AHNAK2: variants seen among roughly 807,000 people sequenced by gnomAD.
AHNAK2 encodes the protein protein AHNAK2.
AHNAK2 carries 18 observed loss-of-function variants against 30.7 expected under a neutral mutation model. The observed-to-expected ratio is 0.59, with a 90% CI of 0.41 to 0.87. AHNAK2 has a LOEUF of 0.87. Ranked by LOEUF, AHNAK2 falls within the 40% of genes least tolerant of loss-of-function variation. AHNAK2 has a pLI of 0.00. For synonymous variants in AHNAK2, 3,590 were observed against 3,073.8 expected, an observed-to-expected ratio of 1.17 and a Z score of -5.56; for missense variants, 8,604 against 7,373.0, an observed-to-expected ratio of 1.17 and a Z score of -6.11.
intron 1 of AHNAK2, among the ~76,000 whole-genome samples, chr14:104,959,004 A>G (rs1406381686): frequency 6.6e-6 from 1 of 152,226 alleles, no homozygotes; most frequent in Non-Finnish European, 1.5e-5. Flanking sequence ...GTTGTCAACG[A>G]AGAATTTGAT....
rs767014033 is a variant in AHNAK2 at position 104,939,863 on chromosome 14, G to T, written c.15588C>A (p.Arg5196=). 6.2e-7 allele frequency: 1 copy of T among 1,613,794 alleles called. No individual in the cohort carries two copies. Among genetic ancestry groups the T allele is most frequent in the Non-Finnish European group, 8.5e-7 (1 of 1,179,900 alleles). The stretch of plus-strand genomic sequence containing the variant: ...TGAAAGAGCGCCTAAGGCTGGGCAT[G>T]CGGAACTTGGGCATTTTAAACCAGC... The part of the protein sequence containing the change: ...QESWFKMPKF[R]MPSLRRSFRD... The change falls in exon 7 of 7, where the codon CGC becomes CGA. Residue 5196 remains arginine, a synonymous_variant. Coordinates refer to ENST00000333244, the MANE Select transcript of AHNAK2 (RefSeq NM_138420.4).
Position 104,948,166 on chromosome 14 carries a change from C to G in AHNAK2, c.7285G>C (p.Asp2429His), listed in dbSNP as rs1248845948. Reference protein sequence around the residue: ...PQIDVKGPKLDLKGPKTDVMA... With the variant: ...PQIDVKGPKLHLKGPKTDVMA... ...ACGTCCGTCTTGGGGCCTTTCAGGTCCAGCTTGGGGCCCTTGACATCTATC... is the reference window on the plus strand; with the variant it reads ...ACGTCCGTCTTGGGGCCTTTCAGGTGCAGCTTGGGGCCCTTGACATCTATC... The change falls in exon 7 of 7, where the codon GAC (aspartate) becomes CAC (histidine). Residue 2429 changes from aspartate to histidine, a missense_variant. Coordinates refer to ENST00000333244, the MANE Select transcript of AHNAK2 (RefSeq NM_138420.4). 1 of 1,612,682 alleles carries G rather than the reference C, an allele frequency of 6.2e-7. No individual in the cohort carries two copies. Among genetic ancestry groups the G allele is most frequent in the Admixed American group, 1.7e-5 (1 of 59,930 alleles).
Position 104,937,995 on chromosome 14 carries a change from ATG to A in AHNAK2, c.*66_*67del. On this transcript the variant is annotated 3_prime_UTR_variant, in exon 7 of 7. Coordinates refer to ENST00000333244, the MANE Select transcript of AHNAK2 (RefSeq NM_138420.4). ...TGTGCTGTGGGATGGGGTGCTCCAT[ATG>A]TGTGTGTAGCCTTTACTTTCCAACT... 6.6e-7 allele frequency: 1 copy of A among 1,517,004 alleles called. No homozygotes were observed. The highest frequency in any genetic ancestry group is 8.9e-7 in the Non-Finnish European group (1 of 1,117,752). 94.0% of individuals were successfully genotyped at this position (1,517,004 alleles called of 1,614,324 possible). A position where few individuals can be genotyped will look rare whatever the true frequency, so the allele number is the denominator to read the frequency against.
Position 104,944,274 on chromosome 14 carries a change from A to C in AHNAK2, c.11177T>G (p.Met3726Arg). ...GLKEHLPKVE[M>R]PSLKMPKVDL... ...CACTTTGGGCATCTTCAAACTGGGC[A>C]TCTCCACCTTGGGCAGGTGCTCTTT... is the stretch of plus-strand genomic sequence containing the variant. Residue 3726 changes from methionine to arginine, a missense_variant, in exon 7 of 7, where the codon ATG becomes AGG. Transcript: ENST00000333244. 1 of 1,612,388 alleles carries C rather than the reference A, an allele frequency of 6.2e-7. No individual in the cohort carries two copies. Among genetic ancestry groups the C allele is most frequent in the Non-Finnish European group, 8.5e-7 (1 of 1,179,374 alleles).
At chr14:104,959,884 C>A (rs1352900245) in intron 1 of AHNAK2, among the ~76,000 whole-genome samples, 1 of 152,078 alleles carries the variant, frequency 6.6e-6, no homozygotes, top group African/African-American at 2.4e-5. Flanking sequence ...TATTTCTTAA[C>A]TTCTTTCAAA....
intron 1 of AHNAK2, among the ~76,000 whole-genome samples, chr14:104,967,668 G>A (rs1426840126): frequency 2.6e-5 from 4 of 152,144 alleles, no homozygotes; most frequent in African/African-American, 7.2e-5. Flanking sequence ...GAGGCTCAGC[G>A]AGCGGCAGAC....
chr14:104,970,721 C>A (rs906862059), intron 1 of AHNAK2, among the ~76,000 whole-genome samples: 1 of 152,030 alleles, frequency 6.6e-6, no homozygotes, highest in African/African-American at 2.4e-5. Context: ...TGAGTGCCCA[C>A]CCCCAGCCTG....
Position 104,949,943 on chromosome 14 carries a change from A to C in AHNAK2, c.5508T>G (p.Ser1836=), listed in dbSNP as rs200758735. Residue 1836 remains serine, a synonymous_variant, in exon 7 of 7, where the codon TCT becomes TCG. Transcript: ENST00000333244. The part of the protein sequence containing the change: ...PKFKMPSFGV[S]APGKSIEASV... ...AGGCCTCGATGGACTTGCCTGGGGC[A>C]GACACCCCGAACGACGGCATCTTGA... 22,042 of 1,573,662 alleles carry C rather than the reference A, an allele frequency of 0.014. 1,943 individuals carry two copies. The highest frequency in any genetic ancestry group is 0.087 in the African/African-American group (5,866 of 67,608).
In AHNAK2 at chr14:104,938,241, C is replaced by T. The variant is rs939391532; in HGVS notation, c.17210G>A (p.Arg5737Gln). 18 of 1,613,660 alleles carry T rather than the reference C, an allele frequency of 1.1e-5. No individual in the cohort carries two copies. Among genetic ancestry groups the T allele is most frequent in the South Asian group, 2.2e-5 (2 of 91,044 alleles). Residue 5737 changes from arginine (R) to glutamine (Q), a missense_variant, in exon 7 of 7, where the codon CGA becomes CAA. Transcript: ENST00000333244. ...CTTCTCTTCAGGGGAGAAACTTTCT[C>T]GGGCATCAAAAAACGTGATTGTTTC... ...QEETITFFDA[R>Q]ESFSPEEKEE...
Position 104,953,000 on chromosome 14 carries a change from C to G in AHNAK2, c.2451G>C (p.Gly817=). ...RAKLDGARLE[G]DLSLADKEVT... ...CCTCCTTGTCGGCCAGGGACAGGTCCCCCTCCAGCCGCGCACCATCCAGCT... is the reference window on the plus strand; with the variant it reads ...CCTCCTTGTCGGCCAGGGACAGGTCGCCCTCCAGCCGCGCACCATCCAGCT... The change falls in exon 7 of 7, where the codon GGG becomes GGC. Residue 817 remains glycine (G), a synonymous_variant. Coordinates refer to ENST00000333244, the MANE Select transcript of AHNAK2 (RefSeq NM_138420.4). 12 of 1,612,164 alleles carry G rather than the reference C, an allele frequency of 7.4e-6. No individual in the cohort carries two copies. The highest frequency in any genetic ancestry group is 1.0e-5 in the Non-Finnish European group (12 of 1,179,448).
chr14:104,973,214 G>A (rs11852033), intron 1 of AHNAK2, among the ~76,000 whole-genome samples: 3,757 of 152,322 alleles, frequency 0.025, 178 homozygotes, highest in African/African-American at 0.087. Flanking sequence ...GGCATGTCCC[G>A]TGATGCGCAC....
chr14:104,970,637 G>A (rs114935360), intron 1 of AHNAK2, among the ~76,000 whole-genome samples: 4 of 152,246 alleles, frequency 2.6e-5, no homozygotes, highest in African/African-American at 2.4e-5. Flanking sequence ...GGGAGTGGGC[G>A]GGTCCCCTGA....
chr14:104,966,214 C>T lies in AHNAK2; in HGVS notation c.56-8542G>A, dbSNP rs952093686. Among the ~76,000 whole-genome samples the T allele has an allele frequency of 2.0e-5, 3 of 152,076 alleles. No individual in the cohort carries two copies. Among genetic ancestry groups the T allele is most frequent in the Non-Finnish European group, 2.9e-5 (2 of 67,990 alleles). On this transcript the variant is annotated intron_variant, in intron 1 of 6. Transcript: ENST00000333244. This position sits in a 1 kb window ranked among gnomAD's most constrained non-coding sequence, Gnocchi z 4.3. ...CAGGAGGCATCAACACTCACCCCCA[C>T]GTCATCCCGGCCCCGCCACCTTCCT...
intron 1 of AHNAK2, among the ~76,000 whole-genome samples, chr14:104,965,306 CAGG>C (rs1899268434): frequency 6.8e-6 from 1 of 147,836 alleles, no homozygotes; most frequent in African/African-American, 2.5e-5. Flanking sequence ...AAGACTGAGG[CAGG>C]AGAATCACTT....
rs1249374094 is a variant in AHNAK2, at chr14:104,939,238, C to G, written c.16213G>C (p.Val5405Leu). 1 of 1,613,808 alleles carries G rather than the reference C, an allele frequency of 6.2e-7. No individual in the cohort carries two copies. Among genetic ancestry groups the G allele is most frequent in the South Asian group, 1.1e-5 (1 of 91,086 alleles). ...SFPAPSSEDD[V>L]FIPTVREVQC... ...ACTTCCCTCACAGTGGGGATGAACACATCATCCTCTGAGCTGGGGGCAGGG... is the reference window on the plus strand; with the variant it reads ...ACTTCCCTCACAGTGGGGATGAACAGATCATCCTCTGAGCTGGGGGCAGGG... The change falls in exon 7 of 7, where the codon GTG (valine) becomes CTG (leucine). Residue 5405 changes from valine to leucine, a missense_variant. Physicochemically the swap from Val to Leu is conservative, Grantham distance 32. Coordinates refer to ENST00000333244, the MANE Select transcript of AHNAK2 (RefSeq NM_138420.4).
Position 104,956,701 on chromosome 14 carries a change from A to G in AHNAK2, c.214-12T>C. 4 of 1,613,090 alleles carry G rather than the reference A, an allele frequency of 2.5e-6. No homozygotes were observed. The highest frequency in any genetic ancestry group is 2.5e-6 in the Non-Finnish European group (3 of 1,179,652). ...CCGGGGGCGTCTTCCTGCAGCCACA[A>G]GTGTTGGGAGTTAGGCACCTGCCCC... On this transcript the variant is annotated splice_polypyrimidine_tract_variant and intron_variant, in intron 3 of 6. Transcript: ENST00000333244.
At chr14:104,976,402 C>T (rs960466493) in intron 1 of AHNAK2, among the ~76,000 whole-genome samples, 4 of 152,272 alleles carry the variant, frequency 2.6e-5, no homozygotes, top group East Asian at 1.9e-4. Context: ...GGGGAGAGTC[C>T]GCCCATCTCC....
chr14:104,938,105 G>A lies in AHNAK2; in HGVS notation c.17346C>T (p.Asp5782=), dbSNP rs751786604. The change falls in exon 7 of 7, where the codon GAC becomes GAT. Residue 5782 remains aspartate, a synonymous_variant. Coordinates refer to ENST00000333244, the MANE Select transcript of AHNAK2 (RefSeq NM_138420.4). ...LILPEQDRKA[D]DESKGSGLGP... is the part of the protein sequence containing the mutation. Reference sequence around the variant, plus strand: ...CCAGGCCTGACCCTTTGCTTTCATCGTCAGCTTTTCTGTCCTGCTCGGGCA... The same window carrying A: ...CCAGGCCTGACCCTTTGCTTTCATCATCAGCTTTTCTGTCCTGCTCGGGCA... The A allele has an allele frequency of 1.2e-5, 19 of 1,613,708 alleles. No individual in the cohort carries two copies. The highest frequency in any genetic ancestry group is 1.6e-4 in the Middle Eastern group (1 of 6,084).
At chr14:104,977,117 G>T (rs1899612891) in intron 1 of AHNAK2, among the ~76,000 whole-genome samples, 1 of 152,206 alleles carries the variant, frequency 6.6e-6, no homozygotes. Flanking sequence ...TGCTGCAGCT[G>T]GGGGGCATGC....
Sources: allele counts gnomAD v4.1 joint callset (sites outside exome capture counted in the v4.1 genomes callset), GRCh38; gene constraint gnomAD v4.1.1; non-coding constraint Gnocchi (gnomAD v3.1); transcripts MANE v1.5; gene names NCBI Gene and HGNC (gene_info 2026-07-23, HGNC 2026-07-21).